EIF5B: variants seen among roughly 807,000 people sequenced by gnomAD.
The protein encoded by EIF5B is eIF-5B.
In EIF5B, 47 loss-of-function variants were observed where a neutral mutation model predicts 147.5. That is an observed-to-expected ratio of 0.32 (90% CI 0.25 to 0.41). The LOEUF (loss-of-function observed/expected upper bound fraction) is 0.41, where lower values mean the gene tolerates loss of function less well. Ranked by LOEUF, EIF5B falls within the 10% of genes least tolerant of loss-of-function variation. The pLI is 1.00. For missense variants in EIF5B, 1,064 were observed against 1,413.2 expected (o/e 0.75, Z 3.96); for synonymous variants, 455 against 456.2 (o/e 1.00, Z 0.03).
Position 99,361,311 on chromosome 2 carries a change from G to GTGA in EIF5B, c.424_426dup (p.Asp142dup), listed in dbSNP as rs773375615. 6.2e-6 allele frequency: 10 copies of GTGA among 1,609,038 alleles called. No homozygotes were observed. The highest frequency in any genetic ancestry group is 2.2e-5 in the East Asian group (1 of 44,840). ...CCGAAAGTGGAAATGTACTCTGGGA[G>GTGA]TGATGATGATGATGATTTTAACAAA... On this transcript the variant is annotated inframe_insertion, in exon 4 of 24. Coordinates refer to ENST00000289371, the MANE Select transcript of EIF5B (RefSeq NM_015904.4).
rs1466486272 is a variant in EIF5B, at chr2:99,394,810, A to G, written c.3181A>G (p.Ile1061Val). 1 of 1,612,728 alleles carries G rather than the reference A, an allele frequency of 6.2e-7. No homozygotes were observed. The highest frequency in any genetic ancestry group is 1.7e-5 in the Admixed American group (1 of 59,870). ...AGGAGTTAGAATTTTTAGTGCAGAA[A>G]TTATTTATCATTTATTTGATGCCTT... is the stretch of plus-strand genomic sequence containing the variant. ...SLGVRIFSAEIIYHLFDAFTK... is the reference protein window; with the variant it reads ...SLGVRIFSAEVIYHLFDAFTK... The change falls in exon 21 of 24, where the codon ATT (isoleucine) becomes GTT (valine). Residue 1061 changes from isoleucine (I) to valine (V), a missense_variant. Around this residue, in one of 4 missense-constraint regions of EIF5B, gnomAD observed 380 missense variants for 715.6 expected, o/e 0.53. Transcript: ENST00000289371.
intron 10 of EIF5B, among the ~76,000 whole-genome samples, chr2:99,378,013 A>G (rs985535687): frequency 2.0e-5 from 3 of 152,214 alleles, no homozygotes; most frequent in African/African-American, 4.8e-5. Context: ...GTTTTCAGCC[A>G]TATCAAATAA....
rs1056062598 is a variant in EIF5B at position 99,351,799 on chromosome 2, G to A, written c.36-8437G>A. Among the ~76,000 whole-genome samples the A allele has an allele frequency of 4.7e-4, 72 of 152,214 alleles. No homozygotes were observed. The Middle Eastern group carries it at 0.01, about 22-fold the overall frequency. On this transcript the variant is annotated intron_variant, in intron 1 of 23. Coordinates refer to ENST00000289371, the MANE Select transcript of EIF5B (RefSeq NM_015904.4). ...TGCAACCTTTGTTTCCCAGGTTCAA[G>A]CAATTCTCTTGCCTCAGCCTCCTGA...
In EIF5B at chr2:99,399,679, T is replaced by C. The variant is rs1675159079; in HGVS notation, c.*265T>C. On this transcript the variant is annotated 3_prime_UTR_variant, in exon 24 of 24. Transcript: ENST00000289371. ...CCAACCCTTCTCTACTTGGCTGCTG[T>C]TTTAAAGTTTGCCCTTCCCCAAATT... 5.7e-6 allele frequency: 2 copies of C among 353,354 alleles called. No homozygotes were observed. The highest frequency in any genetic ancestry group is 3.9e-5 in the Admixed American group (1 of 25,804). The allele number at this position is 353,354 out of a possible 1,614,324, so 21.9% of individuals were successfully genotyped here.
At chr2:99,394,245 T>C in intron 18 of EIF5B, 22 bp from the exon 19 acceptor site, 7 of 1,597,056 alleles carry the variant, frequency 4.4e-6, no homozygotes, top group South Asian at 1.1e-5. Flanking sequence ...GACAACCTTA[T>C]CAAATCTGAT....
At position 99,390,361 on chromosome 2, in the gene EIF5B, G is replaced by T; in HGVS notation, c.2546G>T (p.Arg849Ile). The T allele has an allele frequency of 6.2e-7, 1 of 1,613,574 alleles. No individual in the cohort carries two copies. The highest frequency in any genetic ancestry group is 1.1e-5 in the South Asian group (1 of 91,040). Residue 849 changes from arginine (R) to isoleucine (I), a missense_variant, in exon 16 of 24, where the codon AGA becomes ATA. Physicochemically the swap from Arg to Ile is moderately conservative, Grantham distance 97. Around this residue, in one of 4 missense-constraint regions of EIF5B, gnomAD observed 380 missense variants for 715.6 expected, o/e 0.53. Transcript: ENST00000289371. ...TTAACTCAGACCATGTTGAGCAAGA[G>T]ACTTGCACACTGTGAAGAGCTGAGA... ...VELTQTMLSK[R>I]LAHCEELRAQ...
At chr2:99,392,894 A>G in intron 17 of EIF5B, 73 bp from the exon 18 acceptor site, 1 of 1,280,012 alleles carries the variant, frequency 7.8e-7, no homozygotes, top group Non-Finnish European at 1.0e-6. Flanking sequence ...TCATGATGAG[A>G]TTCTCTTATA....
At chr2:99,398,531 A>G in intron 22 of EIF5B, 1 of 437,016 alleles carries the variant, frequency 2.3e-6, no homozygotes, top group Non-Finnish European at 4.1e-6. Flanking sequence ...AAAGCACATT[A>G]TCTCCTGTCA....
At position 99,337,582 on chromosome 2, in the gene EIF5B, G is replaced by C; in HGVS notation, c.28G>C (p.Glu10Gln). 6.2e-7 allele frequency: 1 copy of C among 1,613,034 alleles called. No homozygotes were observed. The highest frequency in any genetic ancestry group is 8.5e-7 in the Non-Finnish European group (1 of 1,179,618). MGKKQKNKS[E>Q]DSTKDDIDLD... ...GGGGAAGAAACAGAAAAACAAGAGC[G>C]AAGACAGGTAGATAGGGGTTGGGTC... The change falls in exon 1 of 24, where the codon GAA (glutamate) becomes CAA (glutamine). Residue 10 changes from glutamate (E) to glutamine (Q), a missense_variant. Physicochemically the swap from Glu to Gln is conservative, Grantham distance 29. Around this residue, in one of 4 missense-constraint regions of EIF5B, gnomAD observed 458 missense variants for 451.3 expected, o/e 1.01. Transcript: ENST00000289371.
intron 6 of EIF5B, 56 bp from the exon 7 acceptor site, chr2:99,368,437 T>C (rs1674373653): frequency 7.9e-7 from 1 of 1,258,642 alleles, no homozygotes; most frequent in Non-Finnish European, 1.2e-6. Flanking sequence ...TAAATAGTAC[T>C]TCTCAGGTGA....
intron 12 of EIF5B, among the ~76,000 whole-genome samples, chr2:99,380,329 G>C (rs556148402): frequency 6.6e-6 from 1 of 152,270 alleles, no homozygotes; most frequent in Non-Finnish European, 1.5e-5. Context: ...TGGGATTACA[G>C]ATGTGAGCCA....
chr2:99,345,521 G>C (rs1348781160), intron 1 of EIF5B, among the ~76,000 whole-genome samples: 1 of 151,344 alleles, frequency 6.6e-6, no homozygotes, highest in African/African-American at 2.4e-5. Flanking sequence ...TTGAACCCGG[G>C]AGGTGGAGGT....
At position 99,401,240 on chromosome 2, in the gene EIF5B, T is replaced by C; in HGVS notation, c.*1826T>C. ...GAGAGCATCAGGCTCTCTGGTAATATTTATGTAACTTTTAATGTGCTTCCA... is the reference window on the plus strand; with the variant it reads ...GAGAGCATCAGGCTCTCTGGTAATACTTATGTAACTTTTAATGTGCTTCCA... On this transcript the variant is annotated 3_prime_UTR_variant, in exon 24 of 24. Coordinates refer to ENST00000289371, the MANE Select transcript of EIF5B (RefSeq NM_015904.4). 6.3e-7 allele frequency: 1 copy of C among 1,584,214 alleles called. No individual in the cohort carries two copies. Among genetic ancestry groups the C allele is most frequent in the Middle Eastern group, 1.7e-4 (1 of 5,992 alleles).
intron 14 of EIF5B, among the ~76,000 whole-genome samples, chr2:99,387,446 G>T (rs1389123614): frequency 6.6e-6 from 1 of 152,014 alleles, no homozygotes; most frequent in Non-Finnish European, 1.5e-5. Flanking sequence ...AATTAGTTTG[G>T]AATCTTTGTC....
intron 9 of EIF5B, 53 bp downstream of exon 9, chr2:99,371,783 T>C: frequency 6.8e-7 from 1 of 1,467,362 alleles, no homozygotes; most frequent in East Asian, 2.4e-5. Flanking sequence ...TAGAAATGAA[T>C]GATATATATT....
chr2:99,360,370 A>G lies in EIF5B; in HGVS notation c.161+9A>G. ...AAAAAGCAGGACTTTGAGTAAGTAT[A>G]TTTTAAATATATTTGATTTTTATTT... is the stretch of plus-strand genomic sequence containing the variant. On this transcript the variant is annotated intron_variant, in intron 2 of 23. Coordinates refer to ENST00000289371, the MANE Select transcript of EIF5B (RefSeq NM_015904.4). The G allele has an allele frequency of 6.3e-7, 1 of 1,580,344 alleles. No homozygotes were observed. Among genetic ancestry groups the G allele is most frequent in the Non-Finnish European group, 8.6e-7 (1 of 1,164,678 alleles).
At chr2:99,345,281 A>G (rs961814947) in intron 1 of EIF5B, among the ~76,000 whole-genome samples, 12 of 152,226 alleles carry the variant, frequency 7.9e-5, no homozygotes, top group Non-Finnish European at 1.8e-4. Flanking sequence ...CTTATTTATT[A>G]GTGCCTATTT....
chr2:99,399,736 G>A lies in EIF5B; in HGVS notation c.*322G>A, dbSNP rs1244274641. On this transcript the variant is annotated 3_prime_UTR_variant, in exon 24 of 24. Transcript: ENST00000289371. ...TTTATTACAGATCTAAAGCTCTTTC[G>A]ATTTTATACTGATTAAATCAGTACT... is the stretch of plus-strand genomic sequence containing the variant. The A allele has an allele frequency of 5.0e-5, 13 of 259,292 alleles. No individual in the cohort carries two copies. Among genetic ancestry groups the A allele is most frequent in the Admixed American group, 4.1e-4 (9 of 22,064 alleles). 16.1% of individuals were successfully genotyped at this position (259,292 alleles called of 1,614,324 possible).
At chr2:99,367,369 G>T (rs1045195032) in intron 6 of EIF5B, among the ~76,000 whole-genome samples, 1 of 150,556 alleles carries the variant, frequency 6.6e-6, no homozygotes, top group East Asian at 1.9e-4. Context: ...AAAGCTATAC[G>T]CATCTGAAAA....
Sources: allele counts gnomAD v4.1 joint callset (sites outside exome capture counted in the v4.1 genomes callset), GRCh38; gene constraint gnomAD v4.1.1; regional missense constraint gnomAD v4.1.1; transcripts MANE v1.5; gene names NCBI Gene and HGNC (gene_info 2026-07-23, HGNC 2026-07-21).